Variants in RYR2 observed in about 807,000 individuals in gnomAD.
RYR2 encodes the protein ryanodine receptor 2.
A neutral mutation model predicts 601.1 loss-of-function variants in RYR2; 227 were observed. The ratio of observed to expected loss-of-function variants is 0.38; its 90% CI spans 0.34 to 0.42. The LOEUF (loss-of-function observed/expected upper bound fraction) is 0.42, where lower values mean the gene tolerates loss of function less well. RYR2 is among the 10% of genes least tolerant of loss of function. The pLI, the probability that RYR2 is intolerant of heterozygous loss-of-function variation, is 1.00. For missense variants in RYR2, 4,646 were observed against 6,156.5 expected (o/e 0.75, Z 8.21); for synonymous variants, 2,223 against 2,175.1 (o/e 1.02, Z -0.61).
At chr1:237,333,750 G>A (rs1023689919) in intron 3 of RYR2, 2 of 364,504 alleles carry the variant, frequency 5.5e-6, no homozygotes, top group African/African-American at 4.3e-5. Flanking sequence ...GAACTCTAAT[G>A]GGGAATTTTT....
intron 2 of RYR2, among the ~76,000 whole-genome samples, chr1:237,288,634 C>T (rs1406018228): frequency 6.6e-6 from 1 of 152,078 alleles, no homozygotes; most frequent in South Asian, 2.1e-4. Context: ...CCCACGCAAA[C>T]AGAAGGGCCA....
chr1:237,448,624 G>A (rs1283007793), intron 14 of RYR2, among the ~76,000 whole-genome samples: 1 of 151,924 alleles, frequency 6.6e-6, no homozygotes, highest in Non-Finnish European at 1.5e-5. Flanking sequence ...GTTTCTCCTT[G>A]CTGCTTGTCA....
chr1:237,528,493 C>G (rs1283209747), intron 24 of RYR2, among the ~76,000 whole-genome samples: 1 of 152,114 alleles, frequency 6.6e-6, no homozygotes, highest in Admixed American at 6.5e-5. Context: ...GGTGGTAACT[C>G]AATAAATATT....
chr1:237,737,012 C>T (rs1373982646), intron 79 of RYR2, among the ~76,000 whole-genome samples: 1 of 150,772 alleles, frequency 6.6e-6, no homozygotes, highest in Non-Finnish European at 1.5e-5. Context: ...TGTAGAGCAG[C>T]CCCCAGCCTG....
In RYR2 at chr1:237,783,948, A is replaced by T. The variant is rs772531906; in HGVS notation, c.12236A>T (p.Asp4079Val). Residue 4079 changes from aspartate to valine, a missense_variant, in exon 90 of 105, where the codon GAC (aspartate) becomes GTC (valine). Physicochemically the swap from Asp to Val is radical, Grantham distance 152. Around this residue, in one of 17 missense-constraint regions of RYR2, gnomAD observed 66 missense variants for 80.7 expected, o/e 0.82. Coordinates refer to ENST00000366574, the MANE Select transcript of RYR2 (RefSeq NM_001035.3). ...GAGACGGATGAGAATGAAACCCTCG[A>T]CTACGAAGAGTTCGTCAAACGCTTC... is the stretch of plus-strand genomic sequence containing the variant. ...CAETDENETL[D>V]YEEFVKRFHE... The T allele has an allele frequency of 6.2e-7, 1 of 1,613,554 alleles. No homozygotes were observed. Among genetic ancestry groups the T allele is most frequent in the Non-Finnish European group, 8.5e-7 (1 of 1,179,728 alleles).
At chr1:237,135,455 C>T (rs1326248517) in intron 1 of RYR2, among the ~76,000 whole-genome samples, 1 of 151,574 alleles carries the variant, frequency 6.6e-6, no homozygotes, top group Non-Finnish European at 1.5e-5. Context: ...CTGCAAGCTC[C>T]GCCTCCCAGG....
chr1:237,646,174 G>A (rs1206936840), intron 48 of RYR2, among the ~76,000 whole-genome samples: 2 of 151,868 alleles, frequency 1.3e-5, no homozygotes, highest in Admixed American at 1.3e-4. Context: ...ACCGTGCCCG[G>A]CCAAATCTCT....
chr1:237,324,982 T>C (rs866665434), intron 2 of RYR2, among the ~76,000 whole-genome samples: 8 of 152,224 alleles, frequency 5.3e-5, no homozygotes, highest in Admixed American at 2.0e-4. Context: ...ATCCCTATAG[T>C]GTATGTGCAT....
chr1:237,614,056 A>T lies in RYR2; in HGVS notation c.4928A>T (p.Glu1643Val). Residue 1643 changes from glutamate (E) to valine (V), a missense_variant, in exon 37 of 105, where the codon GAG (glutamate) becomes GTG (valine). Around this residue, in one of 17 missense-constraint regions of RYR2, gnomAD observed 1,807 missense variants for 2,088.1 expected, o/e 0.87. Coordinates refer to ENST00000366574, the MANE Select transcript of RYR2 (RefSeq NM_001035.3). The surrounding 1 kb of genome is among the most constrained non-coding windows in gnomAD (Gnocchi z 4.3). Reference sequence around the variant, plus strand: ...TTCTACAGATCTGTTGACATCTTAGAGTTGACAGAGCAGGAGGAATTGCTG... The same window carrying T: ...TTCTACAGATCTGTTGACATCTTAGTGTTGACAGAGCAGGAGGAATTGCTG... Reference protein sequence around the residue: ...PEENRSVDILELTEQEELLKF... With the variant: ...PEENRSVDILVLTEQEELLKF... 1 of 1,613,204 alleles carries T rather than the reference A, an allele frequency of 6.2e-7. No homozygotes were observed. Among genetic ancestry groups the T allele is most frequent in the Non-Finnish European group, 8.5e-7 (1 of 1,179,242 alleles).
At chr1:237,350,571 CAAAAAAAAAAAAA>C (rs1167546068) in intron 3 of RYR2, among the ~76,000 whole-genome samples, 390 of 26,856 alleles carry the variant, frequency 0.015, 1 homozygote, top group East Asian at 0.035. Context: ...GACTCTGTCT[CAAAAAAAAAAAAA>C]AAAAAAAAAA....
chr1:237,747,537 T>G (rs1407239619), intron 80 of RYR2, among the ~76,000 whole-genome samples: 10 of 152,202 alleles, frequency 6.6e-5, no homozygotes, highest in Non-Finnish European at 8.8e-5. Context: ...TAAGGATTAA[T>G]ATTATATAGC....
intron 23 of RYR2, among the ~76,000 whole-genome samples, chr1:237,508,970 C>T (rs1665592918): frequency 6.6e-6 from 1 of 151,804 alleles, no homozygotes; most frequent in Non-Finnish European, 1.5e-5. Flanking sequence ...TTTCGATCTC[C>T]TGACCTCGTG....
intron 84 of RYR2, among the ~76,000 whole-genome samples, chr1:237,769,329 C>T (rs1032856303): frequency 7.2e-5 from 11 of 152,130 alleles, no homozygotes; most frequent in Non-Finnish European, 1.2e-4. Flanking sequence ...TTCTCCCTTT[C>T]GTTTCCTATC....
intron 1 of RYR2, among the ~76,000 whole-genome samples, chr1:237,213,456 G>A (rs979480139): frequency 2.0e-5 from 3 of 152,188 alleles, no homozygotes; most frequent in Admixed American, 6.5e-5. Context: ...GGGATTACAG[G>A]TGTGAGCCAT....
At chr1:237,828,974 C>T (rs1402744048) in intron 102 of RYR2, among the ~76,000 whole-genome samples, 2 of 152,176 alleles carry the variant, frequency 1.3e-5, no homozygotes, top group African/African-American at 4.8e-5. Flanking sequence ...GTACCATTCA[C>T]AGTGGGACCT....
chr1:237,152,815 A>G (rs1207897702), intron 1 of RYR2, among the ~76,000 whole-genome samples: 1 of 152,230 alleles, frequency 6.6e-6, no homozygotes, highest in Non-Finnish European at 1.5e-5. Flanking sequence ...ATGGGATCTC[A>G]TTAAACTAAA....
intron 1 of RYR2, among the ~76,000 whole-genome samples, chr1:237,117,961 G>T (rs530957095): frequency 6.6e-6 from 1 of 152,230 alleles, no homozygotes; most frequent in Non-Finnish European, 1.5e-5. Flanking sequence ...GGCCAGGCTG[G>T]CCTCGAATTC....
intron 1 of RYR2, among the ~76,000 whole-genome samples, chr1:237,265,127 C>G (rs1688923811): frequency 6.6e-6 from 1 of 152,098 alleles, no homozygotes; most frequent in Non-Finnish European, 1.5e-5. Context: ...TGGGTCCAAT[C>G]TCAACACAGC....
chr1:237,387,287 T>G lies in RYR2; in HGVS notation c.583T>G (p.Ser195Ala). The change falls in exon 9 of 105, where the codon TCT becomes GCT. Residue 195 changes from serine to alanine, a missense_variant. Transcript: ENST00000366574. The stretch of plus-strand genomic sequence containing the variant: ...CTTTTGCCTCTTGATACAGCACTTG[T>G]CTTATGGCAACGGCAGCTTACACGT... ...SVSSERYLHL[S>A]YGNGSLHVDA... 3 of 1,613,960 alleles carry G rather than the reference T, an allele frequency of 1.9e-6. No individual in the cohort carries two copies. The highest frequency in any genetic ancestry group is 2.5e-6 in the Non-Finnish European group (3 of 1,179,862).
Sources: gnomAD v4.1 joint callset for allele counts (sites outside exome capture counted in the v4.1 genomes callset) on GRCh38, gnomAD v4.1.1 for gene constraint, gnomAD v4.1.1 regional missense constraint, Gnocchi (gnomAD v3.1) non-coding constraint, MANE v1.5 for transcripts, NCBI Gene and HGNC (gene_info 2026-07-23, HGNC 2026-07-21) for gene names.